USP28: variants seen among roughly 807,000 people sequenced by gnomAD.
USP28 encodes ubiquitin specific peptidase 28.
In USP28, 113 loss-of-function variants were observed where a neutral mutation model predicts 145.0. The ratio of observed to expected loss-of-function variants is 0.78; its 90% CI spans 0.67 to 0.91. The LOEUF is 0.91. Among genes scored for constraint, USP28 ranks in the 40% least tolerant of loss-of-function variants. The pLI, the probability that USP28 is intolerant of heterozygous loss-of-function variation, is 0.00. For synonymous variants in USP28, 447 were observed against 450.9 expected (o/e 0.99, Z 0.11); for missense variants, 1,201 against 1,289.6 (o/e 0.93, Z 1.05).
intron 2 of USP28, among the ~76,000 whole-genome samples, chr11:113,853,301 C>CAAA (rs35806711): frequency 5.3e-4 from 29 of 54,964 alleles, no homozygotes; most frequent in African/African-American, 2.0e-3. Flanking sequence ...TCTCCTGTCT[C>CAAA]AAAAAAAAAA....
rs534187617 is a variant in USP28, at chr11:113,850,912, T to C, written c.268+1589A>G. On this transcript the variant is annotated intron_variant, in intron 3 of 24. Coordinates refer to ENST00000003302, the Ensembl canonical transcript of USP28. Reference sequence around the variant, plus strand: ...TTCTGACACTTCTGCCGTGAATGTCTAACAGGCATTTCAAATTTAGTATTC... The same window carrying C: ...TTCTGACACTTCTGCCGTGAATGTCCAACAGGCATTTCAAATTTAGTATTC... Among the ~76,000 whole-genome samples, 8 of 152,330 alleles carry C rather than the reference T, an allele frequency of 5.3e-5. No individual in the cohort carries two copies. The South Asian group carries it at 1.7e-3, about 32-fold the overall frequency.
intron 8 of USP28, 37 bp from the exon 9 acceptor site, chr11:113,830,980 G>A: frequency 6.2e-7 from 1 of 1,605,382 alleles, no homozygotes; most frequent in Non-Finnish European, 8.5e-7. Flanking sequence ...TGGATTGTTT[G>A]GATTAAGATA....
intron 1 of USP28, among the ~76,000 whole-genome samples, chr11:113,867,114 T>C (rs1036970451): frequency 6.6e-6 from 1 of 152,208 alleles, no homozygotes; most frequent in Non-Finnish European, 1.5e-5. Context: ...AGTAGATTGG[T>C]ATTGCCAGGG....
intron 1 of USP28, among the ~76,000 whole-genome samples, chr11:113,866,111 T>C (rs1948225663): frequency 6.6e-6 from 1 of 152,172 alleles, no homozygotes; most frequent in African/African-American, 2.4e-5. Flanking sequence ...CTGGCCAACA[T>C]GGTGAAACCA....
chr11:113,864,009 C>T (rs1393632536), intron 1 of USP28, among the ~76,000 whole-genome samples: 3 of 151,226 alleles, frequency 2.0e-5, no homozygotes, highest in African/African-American at 7.3e-5. Context: ...GAAGCTGAGG[C>T]GGATGGATCA....
chr11:113,875,226 C>T (rs1949255094), intron 1 of USP28, among the ~76,000 whole-genome samples: 1 of 152,164 alleles, frequency 6.6e-6, no homozygotes, highest in Admixed American at 6.5e-5. Flanking sequence ...CCCCCTACAA[C>T]TTCAGCTCGC....
exon 25 of USP28, chr11:113,798,774 G>A (rs1169466557): frequency 6.6e-6 from 1 of 152,552 alleles, no homozygotes; most frequent in African/African-American, 2.4e-5. Flanking sequence ...CCTGGCAAGA[G>A]CCAGGCAAGG....
At chr11:113,830,809 C>A in intron 9 of USP28, 58 bp downstream of exon 9, 4 of 1,527,808 alleles carry the variant, frequency 2.6e-6, no homozygotes, top group Non-Finnish European at 3.6e-6. Context: ...CTCAAAGGGA[C>A]ACAGTAATAA....
chr11:113,854,743 CA>C (rs1946863041), intron 1 of USP28, among the ~76,000 whole-genome samples: 1 of 152,148 alleles, frequency 6.6e-6, no homozygotes, highest in Non-Finnish European at 1.5e-5. Context: ...CTCCAAGAAA[CA>C]AGGTATTGGC....
intron 3 of USP28, among the ~76,000 whole-genome samples, chr11:113,847,873 C>T (rs75093399): frequency 0.065 from 9,816 of 152,144 alleles, 350 homozygotes; most frequent in African/African-American, 0.082. Context: ...TTAAGGACAC[C>T]CCTTCAGTGT....
At chr11:113,848,734 A>G (rs144146265) in intron 3 of USP28, among the ~76,000 whole-genome samples, 305 of 152,166 alleles carry the variant, frequency 2.0e-3, no homozygotes, top group African/African-American at 6.7e-3. Flanking sequence ...CCCTCTACCT[A>G]CTCCTGTAAA....
intron 5 of USP28, among the ~76,000 whole-genome samples, chr11:113,840,300 G>A (rs568321773): frequency 6.6e-6 from 1 of 151,190 alleles, no homozygotes; most frequent in East Asian, 2.0e-4. Flanking sequence ...TACCTGGATA[G>A]CTATGATAGC....
chr11:113,867,948 A>G (rs1948456758), intron 1 of USP28, among the ~76,000 whole-genome samples: 1 of 152,224 alleles, frequency 6.6e-6, no homozygotes, highest in Non-Finnish European at 1.5e-5. Flanking sequence ...AGTGCCTACC[A>G]GCCATCATGT....
intron 13 of USP28, 129 bp from the exon 14 acceptor site, chr11:113,815,511 G>GT: frequency 1.2e-6 from 1 of 807,868 alleles, no homozygotes; most frequent in Admixed American, 2.9e-5. Context: ...CTCTATAAAG[G>GT]TACAGAGCCA....
chr11:113,849,986 C>T (rs1476326754), intron 3 of USP28, among the ~76,000 whole-genome samples: 2 of 152,098 alleles, frequency 1.3e-5, no homozygotes, highest in African/African-American at 4.8e-5. Context: ...TGGAGTGAGC[C>T]GTTTGACTCT....
At chr11:113,807,662 A>C (rs529004054) in intron 18 of USP28, among the ~76,000 whole-genome samples, 1 of 152,194 alleles carries the variant, frequency 6.6e-6, no homozygotes, top group Non-Finnish European at 1.5e-5. Context: ...TCTTTTGTCC[A>C]TAATACCAAA....
chr11:113,836,388 C>T (rs970846361), intron 5 of USP28, among the ~76,000 whole-genome samples: 4 of 152,178 alleles, frequency 2.6e-5, no homozygotes, highest in African/African-American at 9.7e-5. Flanking sequence ...CATCGCCGCT[C>T]ACTTGCACAT....
At chr11:113,808,259 C>A (rs1162635965) in intron 18 of USP28, 39 bp downstream of exon 18, 1 of 1,595,620 alleles carries the variant, frequency 6.3e-7, no homozygotes, top group Admixed American at 1.7e-5. Context: ...CTGCTGAAAG[C>A]CCGGCTCTCC....
intron 3 of USP28, among the ~76,000 whole-genome samples, chr11:113,850,534 T>C (rs973110870): frequency 1.3e-5 from 2 of 152,150 alleles, no homozygotes; most frequent in East Asian, 3.8e-4. Context: ...CACAGCAGCA[T>C]CATCCAGAAT....
Sources: allele counts gnomAD v4.1 joint callset (sites outside exome capture counted in the v4.1 genomes callset), GRCh38; gene constraint gnomAD v4.1.1; transcripts MANE v1.5; gene names NCBI Gene and HGNC (gene_info 2026-07-23, HGNC 2026-07-21).